The following PLAAT1 variants were observed in gnomAD, a reference collection of about 807,000 sequenced individuals.
PLAAT1 encodes the protein H-REV107 protein-related protein.
A neutral mutation model predicts 16.4 loss-of-function variants in PLAAT1; 13 were observed. The ratio of observed to expected loss-of-function variants is 0.79; its 90% CI spans 0.52 to 1.26. The LOEUF (loss-of-function observed/expected upper bound fraction) is 1.26, where lower values mean the gene tolerates loss of function less well. PLAAT1 is among the 50% of genes most tolerant of loss of function. The pLI, the probability that PLAAT1 is intolerant of heterozygous loss-of-function variation, is 0.00. For synonymous variants in PLAAT1, 73 were observed against 78.4 expected, an observed-to-expected ratio of 0.93 and a Z score of 0.36; for missense variants, 218 against 207.8, an observed-to-expected ratio of 1.05 and a Z score of -0.30.
chr3:193,252,063 C>T (rs1716210481), intron 1 of PLAAT1, among the ~76,000 whole-genome samples: 1 of 152,130 alleles, frequency 6.6e-6, no homozygotes, highest in Non-Finnish European at 1.5e-5. Context: ...TTAATTGGCT[C>T]ACAGCTCCAT....
At chr3:193,243,472 C>T (rs112873674) in intron 1 of PLAAT1, among the ~76,000 whole-genome samples, 10 of 152,210 alleles carry the variant, frequency 6.6e-5, no homozygotes, top group African/African-American at 2.4e-4. Flanking sequence ...TTCACATTAT[C>T]TTCTGGTTCT....
intron 1 of PLAAT1, among the ~76,000 whole-genome samples, chr3:193,253,774 C>T (rs143506129): frequency 6.6e-6 from 1 of 152,124 alleles, no homozygotes; most frequent in East Asian, 1.9e-4. Context: ...GGGTATTTTC[C>T]AAAAGTTGAT....
downstream of PLAAT1, among the ~76,000 whole-genome samples, chr3:193,275,597 A>G (rs1469676091): frequency 6.6e-6 from 1 of 152,230 alleles, no homozygotes; most frequent in Non-Finnish European, 1.5e-5. Context: ...AAATGGTAAC[A>G]GCAATAACGT....
downstream of PLAAT1, among the ~76,000 whole-genome samples, chr3:193,280,772 C>G (rs1472152063): frequency 6.6e-6 from 1 of 152,172 alleles, no homozygotes; most frequent in African/African-American, 2.4e-5. Flanking sequence ...AGCATTTAAT[C>G]AGCATTGCCA....
downstream of PLAAT1, chr3:193,281,150 G>A (rs1333267101): frequency 4.1e-6 from 4 of 983,940 alleles, no homozygotes; most frequent in Non-Finnish European, 4.8e-6. Flanking sequence ...TTGGTGATAC[G>A]ATTTCAGGAA....
chr3:193,257,958 TTTGGCCACAGACTGAAGGC>T (rs1716439348), intron 2 of PLAAT1, among the ~76,000 whole-genome samples: 1 of 152,208 alleles, frequency 6.6e-6, no homozygotes, highest in Non-Finnish European at 1.5e-5. Context: ...CTCTCAGGCC[TTTGGCCACAGACTGAAGGC>T]TTCACTGTCA....
chr3:193,271,960 A>G (rs919490592), downstream of PLAAT1, among the ~76,000 whole-genome samples: 1 of 151,860 alleles, frequency 6.6e-6, no homozygotes, highest in African/African-American at 2.4e-5. Flanking sequence ...CTTTTTCAAT[A>G]ATTCCCTCCC....
downstream of PLAAT1, among the ~76,000 whole-genome samples, chr3:193,273,473 C>T (rs1717054411): frequency 6.6e-6 from 1 of 152,162 alleles, no homozygotes; most frequent in Non-Finnish European, 1.5e-5. Context: ...ATATGATTTA[C>T]AGTAGCGAAT....
chr3:193,269,858 A>C (rs143989695), intron 3 of PLAAT1, among the ~76,000 whole-genome samples: 90 of 152,210 alleles, frequency 5.9e-4, no homozygotes, highest in African/African-American at 2.1e-3. Flanking sequence ...AATACCCTTA[A>C]AGCTATAAAT....
At chr3:193,256,074 T>A (rs1183235051) in intron 2 of PLAAT1, among the ~76,000 whole-genome samples, 1 of 152,174 alleles carries the variant, frequency 6.6e-6, no homozygotes, top group Non-Finnish European at 1.5e-5. Context: ...ATGGCAAGGT[T>A]CAGTGTCTTT....
At chr3:193,241,207 G>C (rs1715720224), upstream of PLAAT1, 9 of 1,222,772 alleles carry the variant, frequency 7.4e-6, no homozygotes, top group Non-Finnish European at 9.2e-6. Flanking sequence ...TGGGCGGAGC[G>C]GGCGGCTCCC....
At chr3:193,269,144 C>A (rs1005953362) in intron 3 of PLAAT1, among the ~76,000 whole-genome samples, 4 of 152,026 alleles carry the variant, frequency 2.6e-5, no homozygotes, top group Non-Finnish European at 4.4e-5. Context: ...CCCCGCTCCC[C>A]CAATATGGCA....
intron 1 of PLAAT1, among the ~76,000 whole-genome samples, chr3:193,249,410 G>A (rs1262054152): frequency 6.6e-6 from 1 of 152,100 alleles, no homozygotes; most frequent in Non-Finnish European, 1.5e-5. Context: ...CTTGGAAACT[G>A]CAACTTTAAC....
At chr3:193,271,472 T>C (rs113116670), downstream of PLAAT1, among the ~76,000 whole-genome samples, 2,949 of 152,346 alleles carry the variant, frequency 0.019, 106 homozygotes, top group African/African-American at 0.068. Flanking sequence ...ATCTCATATT[T>C]TTAAGACTTT....
rs561283064 is a variant in PLAAT1, at chr3:193,270,079, C to A, written c.406-525C>A. Among the ~76,000 whole-genome samples, 727 of 151,644 alleles carry A rather than the reference C, an allele frequency of 4.8e-3. 8 individuals carry two copies. The highest frequency in any genetic ancestry group is 0.017 in the African/African-American group (693 of 41,300). On this transcript the variant is annotated intron_variant, in intron 3 of 3. Coordinates refer to ENST00000264735, the MANE Select transcript of PLAAT1 (RefSeq NM_020386.5). ...ATTTGACATCCCTGAAACACACACA[C>A]ACACACACACACACACACACACACA...
intron 2 of PLAAT1, among the ~76,000 whole-genome samples, chr3:193,262,043 T>C (rs1183526186): frequency 6.6e-6 from 1 of 152,138 alleles, no homozygotes; most frequent in Non-Finnish European, 1.5e-5. Context: ...ATGTGGAGAC[T>C]CTCTCTCATG....
At chr3:193,280,468 G>A (rs900285528), downstream of PLAAT1, among the ~76,000 whole-genome samples, 1 of 152,142 alleles carries the variant, frequency 6.6e-6, no homozygotes, top group Non-Finnish European at 1.5e-5. Flanking sequence ...CTTAATTCAT[G>A]TATCAACTGG....
chr3:193,256,884 T>C (rs1003148160), intron 2 of PLAAT1, among the ~76,000 whole-genome samples: 2 of 152,184 alleles, frequency 1.3e-5, no homozygotes, highest in Non-Finnish European at 2.9e-5. Context: ...GTTAAATGAA[T>C]TAAGATTTAG....
intron 3 of PLAAT1, among the ~76,000 whole-genome samples, chr3:193,266,208 G>A (rs1218725850): frequency 6.6e-6 from 1 of 152,116 alleles, no homozygotes; most frequent in African/African-American, 2.4e-5. Flanking sequence ...TCATGGTGGA[G>A]GTGATGGATA....
Sources: gnomAD v4.1 joint callset for allele counts (sites outside exome capture counted in the v4.1 genomes callset) on GRCh38, gnomAD v4.1.1 for gene constraint, MANE v1.5 for transcripts, NCBI Gene and HGNC (gene_info 2026-07-23, HGNC 2026-07-21) for gene names.